The following SLC9D1 variants were observed in gnomAD, a reference collection of about 807,000 sequenced individuals.
SLC9D1 encodes putative LAG1-interacting protein.
At chr13:113,501,536 A>T in the SLC9D1 span, among the ~76,000 whole-genome samples, 1 of 152,170 alleles carries the variant, frequency 6.6e-6, no homozygotes, top group Non-Finnish European at 1.5e-5. Flanking sequence ...TCTTTAGGCC[A>T]TGAAAAACTA....
chr13:113,496,070 G>T, the SLC9D1 span: 1 of 1,350,380 alleles, frequency 7.4e-7, no homozygotes. Flanking sequence ...GAGGGAGAGA[G>T]AGGTGAAGAG....
the SLC9D1 span, chr13:113,549,398 G>A: frequency 6.2e-7 from 1 of 1,611,394 alleles, no homozygotes; most frequent in Non-Finnish European, 8.5e-7. Context: ...CAGTCTCTGT[G>A]ACCCGCTCTG....
At chr13:113,514,342 C>T in the SLC9D1 span, 1 of 152,196 alleles carries the variant, frequency 6.6e-6, no homozygotes, top group East Asian at 1.9e-4. Context: ...TCTGTAAATC[C>T]AAACCAAAAA....
At chr13:113,500,086 C>T in the SLC9D1 span, 8 of 1,594,692 alleles carry the variant, frequency 5.0e-6, no homozygotes, top group African/African-American at 1.3e-5. Flanking sequence ...CCCAGAACAA[C>T]CAGTATATTT....
At chr13:113,507,665 T>C in the SLC9D1 span, among the ~76,000 whole-genome samples, 1 of 152,236 alleles carries the variant, frequency 6.6e-6, no homozygotes, top group East Asian at 1.9e-4. Context: ...AAACTTGATC[T>C]CTTAAGAGTC....
the SLC9D1 span, among the ~76,000 whole-genome samples, chr13:113,503,336 ACT>A: frequency 8.3e-6 from 1 of 120,018 alleles, no homozygotes; most frequent in South Asian, 2.7e-4. Context: ...ATCGAAGTAC[ACT>A]GTGTGATTGT....
chr13:113,511,475 G>A, the SLC9D1 span, among the ~76,000 whole-genome samples: 2 of 152,206 alleles, frequency 1.3e-5, no homozygotes, highest in African/African-American at 4.8e-5. Flanking sequence ...ACAGGCAGTT[G>A]GGAAGCATCT....
chr13:113,498,368 G>T, the SLC9D1 span: 1 of 1,557,784 alleles, frequency 6.4e-7, no homozygotes, highest in South Asian at 1.2e-5. Context: ...TGGAACTTCT[G>T]GCAGCAGAAA....
At chr13:113,502,003 G>T in the SLC9D1 span, 1 of 786,716 alleles carries the variant, frequency 1.3e-6, no homozygotes, top group Non-Finnish European at 2.0e-6. Flanking sequence ...CCATTTCAAA[G>T]ATGTCCTTTC....
the SLC9D1 span, among the ~76,000 whole-genome samples, chr13:113,545,366 G>T: frequency 1.3e-5 from 2 of 152,344 alleles, no homozygotes; most frequent in East Asian, 3.9e-4. Context: ...CCCAAGACTT[G>T]AGCCCAGAGC....
the SLC9D1 span, among the ~76,000 whole-genome samples, chr13:113,539,725 C>T: frequency 6.6e-6 from 1 of 152,058 alleles, no homozygotes; most frequent in Non-Finnish European, 1.5e-5. The surrounding 1 kb of genome is among the most constrained non-coding windows in gnomAD (Gnocchi z 4.8). Context: ...TTCTTCTGTC[C>T]AGCTTTTCCT....
chr13:113,497,329 G>T, the SLC9D1 span, among the ~76,000 whole-genome samples: 1 of 151,586 alleles, frequency 6.6e-6, no homozygotes, highest in Non-Finnish European at 1.5e-5. Flanking sequence ...AAGACCTGCA[G>T]CTGTGTGTGA....
the SLC9D1 span, chr13:113,495,937 G>A: frequency 1.9e-6 from 3 of 1,614,068 alleles, no homozygotes; most frequent in Non-Finnish European, 2.5e-6. Flanking sequence ...GGACTGCAGA[G>A]AGCCCTGCAG....
chr13:113,537,422 C>T, the SLC9D1 span, among the ~76,000 whole-genome samples: 1 of 152,358 alleles, frequency 6.6e-6, no homozygotes, highest in Non-Finnish European at 1.5e-5. Flanking sequence ...CTGGCTTCCA[C>T]TTAGCACCAC....
At chr13:113,504,518 C>T in the SLC9D1 span, 1 of 152,158 alleles carries the variant, frequency 6.6e-6, no homozygotes. Context: ...CCGCAGAGTC[C>T]AGTGTGTCAT....
the SLC9D1 span, chr13:113,520,566 G>A: frequency 7.6e-7 from 1 of 1,323,234 alleles, no homozygotes; most frequent in African/African-American, 1.5e-5. Context: ...TTTGACTTTG[G>A]ATACTTTTGA....
the SLC9D1 span, among the ~76,000 whole-genome samples, chr13:113,532,224 T>C: frequency 6.6e-6 from 1 of 152,092 alleles, no homozygotes; most frequent in African/African-American, 2.4e-5. Context: ...AAATGAGTGG[T>C]AGACAAGACA....
chr13:113,539,547 C>T, the SLC9D1 span: 32 of 1,600,586 alleles, frequency 2.0e-5, no homozygotes, highest in African/African-American at 4.0e-5. This position sits in a 1 kb window ranked among gnomAD's most constrained non-coding sequence, Gnocchi z 4.8. Context: ...GTTGGTTAAA[C>T]GTATGCAGAG....
chr13:113,498,545 T>C, the SLC9D1 span: 1 of 1,547,430 alleles, frequency 6.5e-7, no homozygotes, highest in Admixed American at 2.3e-5. Flanking sequence ...AACAGCTGCT[T>C]CTTCACCTCC....
Sources: allele counts gnomAD v4.1 joint callset (sites outside exome capture counted in the v4.1 genomes callset), GRCh38; gene constraint gnomAD v4.1.1; non-coding constraint Gnocchi (gnomAD v3.1); transcripts MANE v1.5; gene names NCBI Gene and HGNC (gene_info 2026-07-23, HGNC 2026-07-21).